CSMD1: variants seen among roughly 807,000 people sequenced by gnomAD.
CSMD1 encodes the protein CUB and Sushi multiple domains 1.
A neutral mutation model predicts 417.5 loss-of-function variants in CSMD1; 213 were observed. The ratio of observed to expected loss-of-function variants is 0.51; its 90% CI spans 0.46 to 0.57. CSMD1 has a LOEUF of 0.57. Among genes scored for constraint, CSMD1 ranks in the 20% least tolerant of loss-of-function variants. The pLI is 0.00. For missense variants in CSMD1, 6,923 were observed against 4,529.7 expected, an observed-to-expected ratio of 1.53 and a Z score of -15.17; for synonymous variants, 2,862 against 1,736.8, an observed-to-expected ratio of 1.65 and a Z score of -16.11.
chr8:4,486,158 C>T (rs574655953), intron 2 of CSMD1, among the ~76,000 whole-genome samples: 3 of 17,870 alleles, frequency 1.7e-4, no homozygotes, highest in African/African-American at 6.5e-4. Flanking sequence ...TATATATATA[C>T]ATACATATAT....
At chr8:4,500,554 A>G (rs1273503874) in intron 2 of CSMD1, among the ~76,000 whole-genome samples, 1 of 152,166 alleles carries the variant, frequency 6.6e-6, no homozygotes, top group African/African-American at 2.4e-5. Flanking sequence ...CTTGGGTGCC[A>G]CAGACTGTTA....
intron 3 of CSMD1, among the ~76,000 whole-genome samples, chr8:4,043,616 T>A (rs941125644): frequency 6.6e-6 from 1 of 152,210 alleles, no homozygotes; most frequent in Non-Finnish European, 1.5e-5. Context: ...AAACTGGAAT[T>A]TCAAAAGACG....
chr8:4,015,189 G>A (rs145420142), intron 4 of CSMD1, among the ~76,000 whole-genome samples: 18 of 152,284 alleles, frequency 1.2e-4, no homozygotes, highest in African/African-American at 4.1e-4. Flanking sequence ...GTCTTACTTT[G>A]TATTTCTTGT....
At chr8:4,243,474 T>C (rs1425976918) in intron 3 of CSMD1, among the ~76,000 whole-genome samples, 1 of 152,182 alleles carries the variant, frequency 6.6e-6, no homozygotes, top group East Asian at 1.9e-4. Context: ...CTAGCCAGTA[T>C]GTCTACTCAA....
At position 4,482,495 on chromosome 8, in the gene CSMD1, T is replaced by C. The variant is rs1216527021; in HGVS notation, c.303-62430A>G. ...CATATTTTCTCTACCCAGTCTATTATTGATGGGCATTTAGGTTGACTCCAT... is the reference window on the plus strand; with the variant it reads ...CATATTTTCTCTACCCAGTCTATTACTGATGGGCATTTAGGTTGACTCCAT... On this transcript the variant is annotated intron_variant, in intron 2 of 69. Transcript: ENST00000635120. 3.3e-5 allele frequency among the ~76,000 whole-genome samples: 5 copies of C among 152,350 alleles called. 1 individual carries two copies. In the South Asian group the frequency reaches 8.3e-4, roughly 25 times the overall value.
In CSMD1 at chr8:3,548,383, G is replaced by A. The variant is rs150388539; in HGVS notation, c.1344+26562C>T. Among the ~76,000 whole-genome samples, 719 of 151,952 alleles carry A rather than the reference G, an allele frequency of 4.7e-3. 5 individuals carry two copies. The highest frequency in any genetic ancestry group is 0.017 in the African/African-American group (684 of 41,432). ...TTCAGTGGTGATTCGTGAGATTTTG[G>A]TGCACTTATCACCTGAGCAGTATAC... On this transcript the variant is annotated intron_variant, in intron 10 of 69. Transcript: ENST00000635120.
At chr8:3,026,961 A>G (rs76446150) in intron 51 of CSMD1, among the ~76,000 whole-genome samples, 8,783 of 152,206 alleles carry the variant, frequency 0.058, 262 homozygotes, top group Admixed American at 0.077. Flanking sequence ...CAAGAGATAA[A>G]AAGAGGAGAA....
At chr8:4,481,136 G>C (rs866062901) in intron 2 of CSMD1, among the ~76,000 whole-genome samples, 4 of 152,184 alleles carry the variant, frequency 2.6e-5, no homozygotes, top group East Asian at 1.9e-4. Flanking sequence ...CTCAAGGCTT[G>C]AGAGCCACAC....
At chr8:3,028,826 A>T (rs1337202859) in intron 51 of CSMD1, among the ~76,000 whole-genome samples, 1 of 152,194 alleles carries the variant, frequency 6.6e-6, no homozygotes, top group African/African-American at 2.4e-5. Flanking sequence ...CAATACTAGC[A>T]TTGTTTTATT....
At chr8:4,059,695 G>A (rs963185312) in intron 3 of CSMD1, among the ~76,000 whole-genome samples, 127 of 152,314 alleles carry the variant, frequency 8.3e-4, no homozygotes, top group African/African-American at 2.9e-3. Flanking sequence ...AAATCTAGAA[G>A]AAATGGATAA....
chr8:4,102,362 A>T (rs148336424), intron 3 of CSMD1, among the ~76,000 whole-genome samples: 150 of 152,308 alleles, frequency 9.8e-4, no homozygotes, highest in African/African-American at 3.5e-3. Flanking sequence ...TTTCCTTGCA[A>T]GAGAAACTGG....
chr8:4,061,096 A>G (rs969675452), intron 3 of CSMD1, among the ~76,000 whole-genome samples: 1 of 152,140 alleles, frequency 6.6e-6, no homozygotes, highest in African/African-American at 2.4e-5. Flanking sequence ...ATTTTTGTTG[A>G]TATCTTATGG....
chr8:3,586,317 G>C, intron 8 of CSMD1, 57 bp from the exon 9 acceptor site: 1 of 1,431,962 alleles, frequency 7.0e-7, no homozygotes, highest in Non-Finnish European at 9.2e-7. Context: ...GACTTCTTTA[G>C]GAAAAAAAAA....
At chr8:4,121,907 G>A (rs934936967) in intron 3 of CSMD1, among the ~76,000 whole-genome samples, 1 of 151,890 alleles carries the variant, frequency 6.6e-6, no homozygotes, top group East Asian at 1.9e-4. Context: ...ACCAACTCAT[G>A]AATCACACAT....
intron 54 of CSMD1, among the ~76,000 whole-genome samples, chr8:2,994,091 A>G (rs1188479028): frequency 7.6e-6 from 1 of 131,592 alleles, no homozygotes; most frequent in Non-Finnish European, 1.6e-5. Context: ...AGTTGCAGTG[A>G]GCTGAGATGG....
At chr8:3,346,490 A>T (rs369464867) in intron 22 of CSMD1, among the ~76,000 whole-genome samples, 1 of 152,196 alleles carries the variant, frequency 6.6e-6, no homozygotes, top group Non-Finnish European at 1.5e-5. Flanking sequence ...CCACTTCTTC[A>T]TGACAGTCCC....
intron 2 of CSMD1, among the ~76,000 whole-genome samples, chr8:4,511,198 A>G (rs1264781357): frequency 6.6e-6 from 1 of 152,118 alleles, no homozygotes; most frequent in Non-Finnish European, 1.5e-5. Context: ...TCATCAGTCC[A>G]TGTACAGATC....
intron 5 of CSMD1, among the ~76,000 whole-genome samples, chr8:3,988,321 G>C (rs569195357): frequency 2.0e-5 from 3 of 152,320 alleles, no homozygotes; most frequent in South Asian, 4.1e-4. Flanking sequence ...AAAAGAGCTT[G>C]CATCAAATTC....
intron 49 of CSMD1, among the ~76,000 whole-genome samples, chr8:3,057,057 T>G (rs1812278593): frequency 6.6e-6 from 1 of 152,094 alleles, no homozygotes; most frequent in South Asian, 2.1e-4. Flanking sequence ...AAATCATGGG[T>G]TTGCTTCAAG....
Sources: gnomAD v4.1 joint callset for allele counts (sites outside exome capture counted in the v4.1 genomes callset) on GRCh38, gnomAD v4.1.1 for gene constraint, MANE v1.5 for transcripts, NCBI Gene and HGNC (gene_info 2026-07-23, HGNC 2026-07-21) for gene names.